The following POFUT2 variants were observed in gnomAD, a reference collection of about 807,000 sequenced individuals.
The protein encoded by POFUT2 is GDP-fucose protein O-fucosyltransferase 2.
In POFUT2, 30 loss-of-function variants were observed where a neutral mutation model predicts 55.0. The ratio of observed to expected loss-of-function variants is 0.55; its 90% CI spans 0.41 to 0.74. The LOEUF (loss-of-function observed/expected upper bound fraction) is 0.74, where lower values mean the gene tolerates loss of function less well. Among genes scored for constraint, POFUT2 ranks in the 30% least tolerant of loss-of-function variants. The pLI, the probability that POFUT2 is intolerant of heterozygous loss-of-function variation, is 0.00. For synonymous variants in POFUT2, 267 were observed against 231.1 expected, an observed-to-expected ratio of 1.16 and a Z score of -1.41; for missense variants, 524 against 562.6, an observed-to-expected ratio of 0.93 and a Z score of 0.69.
intron 6 of POFUT2, among the ~76,000 whole-genome samples, chr21:45,271,681 A>G (rs1602171463): frequency 6.6e-6 from 1 of 152,248 alleles, no homozygotes; most frequent in Non-Finnish European, 1.5e-5. Context: ...AGGAAAACCT[A>G]TCAGATTCAC....
At chr21:45,266,149 C>T in intron 8 of POFUT2, 2 of 1,366,272 alleles carry the variant, frequency 1.5e-6, no homozygotes, top group Admixed American at 3.8e-5. Context: ...GGGGTTTCTC[C>T]AGACCTCAGG....
intron 6 of POFUT2, among the ~76,000 whole-genome samples, chr21:45,272,140 T>A (rs1261013988): frequency 6.6e-6 from 1 of 152,164 alleles, no homozygotes; most frequent in African/African-American, 2.4e-5. Flanking sequence ...ACCTGAAAGC[T>A]GTGAGGCAAA....
At chr21:45,279,281 G>T (rs1193085563) in intron 4 of POFUT2, among the ~76,000 whole-genome samples, 3 of 152,056 alleles carry the variant, frequency 2.0e-5, no homozygotes, top group Non-Finnish European at 4.4e-5. Flanking sequence ...AGTAGCCCCA[G>T]CTACTTGGGA....
Position 45,282,598 on chromosome 21 carries a change from G to A in POFUT2, c.528-139C>T, listed in dbSNP as rs1269966399. The A allele has an allele frequency of 5.9e-6, 4 of 680,408 alleles. No homozygotes were observed. Among genetic ancestry groups the A allele is most frequent in the East Asian group, 2.7e-5 (1 of 36,928 alleles). The allele number at this position is 680,408 out of a possible 1,614,324, so 42.1% of individuals were successfully genotyped here. On this transcript the variant is annotated intron_variant, in intron 3 of 8. Coordinates refer to ENST00000349485, the MANE Select transcript of POFUT2 (RefSeq NM_133635.6). This position sits in a 1 kb window ranked among gnomAD's most constrained non-coding sequence, Gnocchi z 4.6. ...TTAGGAAAACTTACTGATCGTGACT[G>A]CAGATCGTGACATTCTAGTAAAATT...
intron 2 of POFUT2, among the ~76,000 whole-genome samples, chr21:45,283,835 C>T (rs941151665): frequency 7.9e-5 from 12 of 152,182 alleles, no homozygotes; most frequent in Non-Finnish European, 1.5e-4. Context: ...GCCCTCACGC[C>T]GTGGTCCAGG....
At chr21:45,283,308 CGGG>C (rs372424349) in intron 3 of POFUT2, 72 bp downstream of exon 3, 114 of 441,922 alleles carry the variant, frequency 2.6e-4, no homozygotes, top group African/African-American at 8.2e-4. Context: ...GCGCCTGAGG[CGGG>C]GGGGGGGGGA....
Position 45,283,387 on chromosome 21 carries a change from AGTACTC to A in POFUT2, c.517_522del (p.Glu173_Tyr174del). ...GGGAGCAGCCTCAGCAGGCACCTGTAGTACTCGTGCTTGTCCTGGGAGTACAGGAGC... is the reference window on the plus strand; with the variant it reads ...GGGAGCAGCCTCAGCAGGCACCTGTAGTGCTTGTCCTGGGAGTACAGGAGC... On this transcript the variant is annotated inframe_deletion, in exon 3 of 9. Coordinates refer to ENST00000349485, the MANE Select transcript of POFUT2 (RefSeq NM_133635.6). 1.9e-6 allele frequency: 3 copies of A among 1,596,952 alleles called. No individual in the cohort carries two copies. The highest frequency in any genetic ancestry group is 2.6e-6 in the Non-Finnish European group (3 of 1,172,436).
chr21:45,282,277 G>GC lies in POFUT2; in HGVS notation c.638+71dup. ...AGGGATGCGGGAGTATGGGCGGAGA[G>GC]CCCCCAGCCCAGCATGCACGGAGCA... On this transcript the variant is annotated intron_variant, in intron 4 of 8. Transcript: ENST00000349485. This position sits in a 1 kb window ranked among gnomAD's most constrained non-coding sequence, Gnocchi z 4.6. 2 of 987,054 alleles carry GC rather than the reference G, an allele frequency of 2.0e-6. No individual in the cohort carries two copies. Among genetic ancestry groups the GC allele is most frequent in the Non-Finnish European group, 3.2e-6 (2 of 627,560 alleles). 61.1% of individuals were successfully genotyped at this position (987,054 alleles called of 1,614,324 possible).
At chr21:45,276,842 C>T (rs1428393274) in intron 6 of POFUT2, among the ~76,000 whole-genome samples, 175 bp downstream of exon 6, 3 of 151,382 alleles carry the variant, frequency 2.0e-5, no homozygotes, top group East Asian at 2.0e-4. Flanking sequence ...GCCCCAGGGT[C>T]CCGGCGCCTC....
At position 45,287,776 on chromosome 21, in the gene POFUT2, C is replaced by T. The variant is rs1302654783; in HGVS notation, c.96G>A (p.Ala32=). The change falls in exon 1 of 9, where the codon GCG becomes GCA. Residue 32 remains alanine, a synonymous_variant. Coordinates refer to ENST00000349485, the MANE Select transcript of POFUT2 (RefSeq NM_133635.6). ...AAGCCGCCCCCGACAGAATATCGGC[C>T]GCCGATTGTCCGGGCCAGAACTCCT... ...SGQEFWPGQS[A]ADILSGAASR... 8.6e-6 allele frequency: 13 copies of T among 1,505,186 alleles called. No individual in the cohort carries two copies. The highest frequency in any genetic ancestry group is 5.8e-5 in the African/African-American group (4 of 69,086). The allele number at this position is 1,505,186 out of a possible 1,614,324, so 93.2% of individuals were successfully genotyped here.
At position 45,285,563 on chromosome 21, in the gene POFUT2, G is replaced by A. The variant is rs1290802638; in HGVS notation, c.382+115C>T. 2.3e-6 allele frequency: 3 copies of A among 1,287,534 alleles called. No homozygotes were observed. The highest frequency in any genetic ancestry group is 1.8e-5 in the Admixed American group (1 of 56,816). 79.8% of individuals were successfully genotyped at this position (1,287,534 alleles called of 1,614,324 possible). A position where few individuals can be genotyped will look rare whatever the true frequency, so the allele number is the denominator to read the frequency against. On this transcript the variant is annotated intron_variant, in intron 2 of 8. Transcript: ENST00000349485. This position sits in a 1 kb window ranked among gnomAD's most constrained non-coding sequence, Gnocchi z 4.9. ...CCTCAGGCAGCAGCACTGGGCACTG[G>A]AGGATGCTGGTGAGGCTGGATGCAA...
intron 7 of POFUT2, among the ~76,000 whole-genome samples, chr21:45,268,831 CCGGCCAGCCGCCCCG>C (rs2093186290): frequency 7.1e-6 from 1 of 141,106 alleles, no homozygotes; most frequent in African/African-American, 2.7e-5. Context: ...AGCCCTCCGC[CCGGCCAGCCGCCCCG>C]TCCGGGAGGG....
chr21:45,287,674 C>CCCCAACCCAACACAGGA, intron 1 of POFUT2, 67 bp downstream of exon 1: 2 of 1,162,086 alleles, frequency 1.7e-6, no homozygotes, highest in Non-Finnish European at 1.1e-6. Flanking sequence ...CCGCCCCGCC[C>CCCCAACCCAACACAGGA]CCATCCCATC....
In POFUT2 at chr21:45,285,901, C is replaced by T. The variant is rs779645670; in HGVS notation, c.159G>A (p.Pro53=). The T allele has an allele frequency of 4.2e-5, 68 of 1,610,660 alleles. No individual in the cohort carries two copies. The highest frequency in any genetic ancestry group is 6.6e-5 in the South Asian group (6 of 91,072). The change falls in exon 2 of 9, where the codon CCG becomes CCA. Residue 53 remains proline, a synonymous_variant. Coordinates refer to ENST00000349485, the MANE Select transcript of POFUT2 (RefSeq NM_133635.6). The surrounding 1 kb of genome is among the most constrained non-coding windows in gnomAD (Gnocchi z 4.9). ...RRYLLYDVNP[P]EGFNLRRDVY... Reference sequence around the variant, plus strand: ...CATCCCTGCGCAGGTTGAAGCCTTCCGGGGGGTTGACGTCATACAGAAGAT... The same window carrying T: ...CATCCCTGCGCAGGTTGAAGCCTTCTGGGGGGTTGACGTCATACAGAAGAT...
intron 7 of POFUT2, among the ~76,000 whole-genome samples, chr21:45,268,549 T>A (rs1355379992): frequency 7.3e-6 from 1 of 137,710 alleles, no homozygotes; most frequent in Non-Finnish European, 1.6e-5. Context: ...AGCACCTCTT[T>A]CCGGCCGCCA....
At chr21:45,287,001 C>G (rs2031488134) in intron 1 of POFUT2, among the ~76,000 whole-genome samples, 1 of 152,174 alleles carries the variant, frequency 6.6e-6, no homozygotes, top group African/African-American at 2.4e-5. Flanking sequence ...GCAGGGGCCT[C>G]CGGAGCCAGC....
chr21:45,277,317 GTCT>G lies in POFUT2; in HGVS notation c.706-178_706-176del. 1 of 833,870 alleles carries G rather than the reference GTCT, an allele frequency of 1.2e-6. No individual in the cohort carries two copies. Among genetic ancestry groups the G allele is most frequent in the Admixed American group, 3.0e-5 (1 of 33,890 alleles). 51.7% of individuals were successfully genotyped at this position (833,870 alleles called of 1,614,324 possible). ...CATCCACGGTGGAGGCTCTTGGAGG[GTCT>G]CCTGCATGAAGCCAACGCAGGGCAA... is the stretch of plus-strand genomic sequence containing the variant. On this transcript the variant is annotated intron_variant, in intron 5 of 8. Coordinates refer to ENST00000349485, the MANE Select transcript of POFUT2 (RefSeq NM_133635.6). The surrounding 1 kb of genome is among the most constrained non-coding windows in gnomAD (Gnocchi z 6.9).
rs2030841298 is a variant in POFUT2, at chr21:45,282,734, C to T, written c.528-275G>A. 9.2e-6 allele frequency: 5 copies of T among 543,200 alleles called. No individual in the cohort carries two copies. The highest frequency in any genetic ancestry group is 1.8e-5 in the Non-Finnish European group (5 of 280,832). The allele number at this position is 543,200 out of a possible 1,614,324, so 33.6% of individuals were successfully genotyped here. ...CAGAGGGAGCCGGACAGAGGCAGCC[C>T]TGTGCACCTTCAGGGCCAGCCTGGC... is the stretch of plus-strand genomic sequence containing the variant. On this transcript the variant is annotated intron_variant, in intron 3 of 8. Transcript: ENST00000349485. This position sits in a 1 kb window ranked among gnomAD's most constrained non-coding sequence, Gnocchi z 4.6.
rs185634188 is a variant in POFUT2 at position 45,281,522 on chromosome 21, C to T, written c.638+827G>A. Among the ~76,000 whole-genome samples the T allele has an allele frequency of 2.1e-3, 321 of 152,232 alleles. 2 individuals carry two copies. Among genetic ancestry groups the T allele is most frequent in the African/African-American group, 7.5e-3 (311 of 41,554 alleles). On this transcript the variant is annotated intron_variant, in intron 4 of 8. Transcript: ENST00000349485. This position sits in a 1 kb window ranked among gnomAD's most constrained non-coding sequence, Gnocchi z 5.0. ...CAGAGCAGCTGAGACCATGTGGTCC[C>T]GGCCCGCTGGGGCCAGCGGCAGCTG...
Sources: gnomAD v4.1 joint callset for allele counts (sites outside exome capture counted in the v4.1 genomes callset) on GRCh38, gnomAD v4.1.1 for gene constraint, Gnocchi (gnomAD v3.1) non-coding constraint, MANE v1.5 for transcripts, NCBI Gene and HGNC (gene_info 2026-07-23, HGNC 2026-07-21) for gene names.